NKX6-3: variants seen among roughly 807,000 people sequenced by gnomAD.
NKX6-3 encodes NK6 homeobox 3.
Under a neutral mutation model 22.0 loss-of-function variants are expected in NKX6-3, and 17 were observed. The ratio of observed to expected loss-of-function variants is 0.77; its 90% CI spans 0.53 to 1.16. The LOEUF (loss-of-function observed/expected upper bound fraction) is 1.16. Among genes scored for constraint, NKX6-3 ranks in the 50% most tolerant of loss-of-function variants. The pLI is 0.00. For synonymous variants in NKX6-3, 177 were observed against 167.2 expected (o/e 1.06, Z -0.45); for missense variants, 363 against 359.0 (o/e 1.01, Z -0.09).
Position 41,646,440 on chromosome 8 carries a change from C to T in NKX6-3, c.*9G>A, listed in dbSNP as rs1273219499. ...CTGCAGCCAGGATCCCGGGCCTGGA[C>T]GGCGGGCGTCAGACGCTGTGCGCTC... On this transcript the variant is annotated 3_prime_UTR_variant, in exon 3 of 3. Transcript: ENST00000518699. 3.2e-6 allele frequency: 5 copies of T among 1,586,014 alleles called. No individual in the cohort carries two copies. The Admixed American group carries it at 5.3e-5, about 17-fold the overall frequency.
Position 41,646,309 on chromosome 8 carries a change from G to A in NKX6-3, c.*140C>T. ...CCCCTCCTCCTCCCCTGCACCTGCT[G>A]CTCCTCCTCCACGCGCCCCTCATCC... is the stretch of plus-strand genomic sequence containing the variant. On this transcript the variant is annotated 3_prime_UTR_variant, in exon 3 of 3. Coordinates refer to ENST00000518699, the MANE Select transcript of NKX6-3 (RefSeq NM_001364841.2). 8.7e-7 allele frequency: 1 copy of A among 1,144,098 alleles called. No homozygotes were observed. Among genetic ancestry groups the A allele is most frequent in the Non-Finnish European group, 1.2e-6 (1 of 826,286 alleles). 70.9% of individuals were successfully genotyped at this position (1,144,098 alleles called of 1,614,324 possible). A position where few individuals can be genotyped will look rare whatever the true frequency, so the allele number is the denominator to read the frequency against.
Position 41,650,674 on chromosome 8 carries a change from A to G in NKX6-3, c.-182T>C. The G allele has an allele frequency of 1.6e-6, 1 of 624,436 alleles. No individual in the cohort carries two copies. Among genetic ancestry groups the G allele is most frequent in the Non-Finnish European group, 2.7e-6 (1 of 366,936 alleles). 38.7% of individuals were successfully genotyped at this position (624,436 alleles called of 1,614,324 possible). A position where few individuals can be genotyped will look rare whatever the true frequency, so the allele number is the denominator to read the frequency against. Reference sequence around the variant, plus strand: ...AACCGGCACCCGATCAGCTGCTCGGAAGTCAGGTGCTCGGGGCAGGTGGGA... The same window carrying G: ...AACCGGCACCCGATCAGCTGCTCGGGAGTCAGGTGCTCGGGGCAGGTGGGA... On this transcript the variant is annotated 5_prime_UTR_variant, in exon 1 of 3. Transcript: ENST00000518699.
chr8:41,646,814 T>C (rs2150519091), intron 2 of NKX6-3, 120 bp from the exon 3 acceptor site: 1 of 1,369,218 alleles, frequency 7.3e-7, no homozygotes, highest in African/African-American at 1.5e-5. Context: ...CACATTCACG[T>C]TTCTGTTGGG....
At chr8:41,650,023 A>T in intron 1 of NKX6-3, 88 bp downstream of exon 1, 1 of 1,379,490 alleles carries the variant, frequency 7.2e-7, no homozygotes, top group Admixed American at 2.5e-5. Flanking sequence ...GCGGAGGTGC[A>T]GGGTGCCCGG....
intron 1 of NKX6-3, among the ~76,000 whole-genome samples, chr8:41,649,251 C>T (rs76356889): frequency 0.026 from 4,011 of 152,212 alleles, 57 homozygotes; most frequent in Non-Finnish European, 0.032. Flanking sequence ...GACAGGTGTG[C>T]TTTTGGGGTT....
chr8:41,649,534 C>T (rs919996902), intron 1 of NKX6-3, among the ~76,000 whole-genome samples: 2 of 152,208 alleles, frequency 1.3e-5, no homozygotes, highest in Non-Finnish European at 2.9e-5. Flanking sequence ...CCAAGTTCAG[C>T]TGGACTCAGC....
At chr8:41,647,064 T>A (rs1585694571) in intron 2 of NKX6-3, 1 of 994,436 alleles carries the variant, frequency 1.0e-6, no homozygotes, top group Non-Finnish European at 1.5e-6. Flanking sequence ...CATTGGAAGG[T>A]GCTTATGAGC....
chr8:41,648,980 T>C (rs754321488), intron 1 of NKX6-3, among the ~76,000 whole-genome samples: 36 of 152,342 alleles, frequency 2.4e-4, no homozygotes, highest in Non-Finnish European at 1.5e-4. Context: ...TTTGCCTTCA[T>C]TAGCCACTGA....
Position 41,646,274 on chromosome 8 carries a change from T to TCCCCCGCCTCCCCTCCTCCTCCC in NKX6-3, c.*152_*174dup. 1.2e-6 allele frequency: 1 copy of TCCCCCGCCTCCCCTCCTCCTCCC among 824,560 alleles called. No individual in the cohort carries two copies. The highest frequency in any genetic ancestry group is 2.9e-5 in the Admixed American group (1 of 33,980). The allele number at this position is 824,560 out of a possible 1,614,324, so 51.1% of individuals were successfully genotyped here. ...CCCCTTTCCCTCCTTTTCCTCCTCC[T>TCCCCCGCCTCCCCTCCTCCTCCC]CCCCCGCCTCCCCTCCTCCTCCCCT... On this transcript the variant is annotated 3_prime_UTR_variant, in exon 3 of 3. Transcript: ENST00000518699.
chr8:41,646,397 T>C lies in NKX6-3; in HGVS notation c.*52A>G. 6.5e-7 allele frequency: 1 copy of C among 1,541,244 alleles called. No individual in the cohort carries two copies. The highest frequency in any genetic ancestry group is 8.7e-7 in the Non-Finnish European group (1 of 1,149,266). The stretch of plus-strand genomic sequence containing the variant: ...GGAAGGGGAGGGGAAGGTAGGCTCC[T>C]CGGCGTCCCCCCGCAGGCTGCAGCC... On this transcript the variant is annotated 3_prime_UTR_variant, in exon 3 of 3. Transcript: ENST00000518699.
chr8:41,646,501 C>T lies in NKX6-3; in HGVS notation c.746G>A (p.Arg249His), dbSNP rs762081302. ...SDDEKIRLLL[R>H]KHRAAFSVLS... ...CACCGAGAAGGCGGCGCGGTGCTTG[C>T]GCAGCAGCAGGCGGATCTTCTCGTC... is the stretch of plus-strand genomic sequence containing the variant. Residue 249 changes from arginine to histidine, a missense_variant, in exon 3 of 3, where the codon CGC becomes CAC. Physicochemically the swap from Arg to His is conservative, Grantham distance 29 (BLOSUM62 0). Coordinates refer to ENST00000518699, the MANE Select transcript of NKX6-3 (RefSeq NM_001364841.2). 1.2e-6 allele frequency: 2 copies of T among 1,611,126 alleles called. No homozygotes were observed. Among genetic ancestry groups the T allele is most frequent in the African/African-American group, 1.3e-5 (1 of 75,000 alleles).
Position 41,650,757 on chromosome 8 carries a change from A to C in NKX6-3, c.-265T>G, listed in dbSNP as rs1206229895. 6 of 449,252 alleles carry C rather than the reference A, an allele frequency of 1.3e-5. No individual in the cohort carries two copies. The Admixed American group carries it at 1.6e-4, about 12-fold the overall frequency. The allele number at this position is 449,252 out of a possible 1,614,324, so 27.8% of individuals were successfully genotyped here. A position where few individuals can be genotyped will look rare whatever the true frequency, so the allele number is the denominator to read the frequency against. ...CCCTGGCCGGACAGGGTGGCCCCCTAAGCCTCAGCTCAGACCCCCTTTCTG... is the reference window on the plus strand; with the variant it reads ...CCCTGGCCGGACAGGGTGGCCCCCTCAGCCTCAGCTCAGACCCCCTTTCTG... On this transcript the variant is annotated 5_prime_UTR_variant, in exon 1 of 3. Transcript: ENST00000518699.
intron 2 of NKX6-3, among the ~76,000 whole-genome samples, chr8:41,647,856 G>A (rs1031094315): frequency 2.0e-5 from 3 of 152,130 alleles, no homozygotes; most frequent in Non-Finnish European, 1.5e-5. Context: ...ATGAGGTGCC[G>A]CACATAAGGC....
intron 1 of NKX6-3, among the ~76,000 whole-genome samples, chr8:41,649,409 C>T (rs1804270963): frequency 6.6e-6 from 1 of 152,222 alleles, no homozygotes; most frequent in Admixed American, 6.5e-5. Flanking sequence ...AGAGCCTCAC[C>T]TGCCCTGCCA....
chr8:41,647,472 T>G, intron 2 of NKX6-3: 1 of 1,071,570 alleles, frequency 9.3e-7, no homozygotes, highest in Non-Finnish European at 1.3e-6. Flanking sequence ...TTGGGGCCCC[T>G]GCGTGTGGAG....
intron 2 of NKX6-3, chr8:41,647,484 G>T: frequency 1.1e-6 from 1 of 893,130 alleles, no homozygotes; most frequent in Non-Finnish European, 1.6e-6. Flanking sequence ...CGTGTGGAGT[G>T]GGAGAGCCTG....
At position 41,650,196 on chromosome 8, in the gene NKX6-3, C is replaced by T. The variant is rs745669498; in HGVS notation, c.297G>A (p.Lys99=). The change falls in exon 1 of 3, where the codon AAG becomes AAA. Residue 99 remains lysine (K), a synonymous_variant. Coordinates refer to ENST00000518699, the MANE Select transcript of NKX6-3 (RefSeq NM_001364841.2). ...TCCGGGTCGGGTACTCGTTCCCAGC[C>T]TTGGAAAAATTCCCTACCTGGGGGC... ...YYSPQVGNFS[K]AGNEYPTRTR... is the part of the protein sequence containing the mutation. The T allele has an allele frequency of 2.0e-5, 31 of 1,534,860 alleles. No homozygotes were observed. Among genetic ancestry groups the T allele is most frequent in the Middle Eastern group, 3.3e-4 (2 of 6,004 alleles).
intron 1 of NKX6-3, among the ~76,000 whole-genome samples, chr8:41,649,343 A>G (rs1047384726): frequency 1.3e-5 from 2 of 152,162 alleles, no homozygotes; most frequent in African/African-American, 4.8e-5. Flanking sequence ...TGACGTGGGC[A>G]GGGCTTCGGT....
At chr8:41,646,819 G>T in intron 2 of NKX6-3, 125 bp from the exon 3 acceptor site, 1 of 1,338,864 alleles carries the variant, frequency 7.5e-7, no homozygotes, top group Non-Finnish European at 1.0e-6. Flanking sequence ...TCACGTTTCT[G>T]TTGGGGAAGG....
Sources: gnomAD v4.1 joint callset for allele counts (sites outside exome capture counted in the v4.1 genomes callset) on GRCh38, gnomAD v4.1.1 for gene constraint, MANE v1.5 for transcripts, NCBI Gene and HGNC (gene_info 2026-07-23, HGNC 2026-07-21) for gene names.